The following VGLL4 variants were observed in gnomAD, a reference collection of about 807,000 sequenced individuals.
VGLL4 encodes the protein vestigial like family member 4, also known as transcription cofactor vestigial-like protein 4.
A neutral mutation model predicts 21.0 loss-of-function variants in VGLL4; 7 were observed. The ratio of observed to expected loss-of-function variants is 0.33; its 90% CI spans 0.19 to 0.63. The LOEUF (loss-of-function observed/expected upper bound fraction) is 0.63, where lower values mean the gene tolerates loss of function less well. Ranked by LOEUF, VGLL4 falls within the 20% of genes least tolerant of loss-of-function variation. The pLI is 0.78. For synonymous variants in VGLL4, 222 were observed against 173.2 expected, an observed-to-expected ratio of 1.28 and a Z score of -2.21; for missense variants, 394 against 425.7, an observed-to-expected ratio of 0.93 and a Z score of 0.66.
chr3:11,641,118 C>CAAAAAAAAAAAAA, intron 1 of VGLL4, among the ~76,000 whole-genome samples: 1 of 91,818 alleles, frequency 1.1e-5, no homozygotes, highest in Non-Finnish European at 2.3e-5. Flanking sequence ...ACTTCATCAC[C>CAAAAAAAAAAAAA]AAAAAAAAAA....
chr3:11,657,461 A>G (rs2075974333), intron 2 of VGLL4, among the ~76,000 whole-genome samples: 1 of 152,218 alleles, frequency 6.6e-6, no homozygotes, highest in South Asian at 2.1e-4. Flanking sequence ...ATGGGCATGA[A>G]GAATACTGTT....
chr3:11,597,753 C>A (rs1254359119), intron 2 of VGLL4, among the ~76,000 whole-genome samples: 1 of 152,166 alleles, frequency 6.6e-6, no homozygotes, highest in African/African-American at 2.4e-5. Flanking sequence ...TGGACTGTAG[C>A]ACCCAATGAA....
chr3:11,579,878 G>C (rs1435084290), intron 2 of VGLL4, among the ~76,000 whole-genome samples: 1 of 152,128 alleles, frequency 6.6e-6, no homozygotes, highest in African/African-American at 2.4e-5. Flanking sequence ...TATTCCTGGA[G>C]CTCGGTCTGC....
chr3:11,697,312 T>C (rs1191761205), intron 2 of VGLL4, among the ~76,000 whole-genome samples: 3 of 147,188 alleles, frequency 2.0e-5, no homozygotes, highest in Non-Finnish European at 4.5e-5. Flanking sequence ...TTCCTATTTT[T>C]CCCAGGCTAG....
At chr3:11,643,198 A>C (rs1484275998) in intron 1 of VGLL4, among the ~76,000 whole-genome samples, 3 of 152,230 alleles carry the variant, frequency 2.0e-5, no homozygotes. Context: ...CGTTGCAAGC[A>C]ACGAGCAAAC....
At chr3:11,574,619 C>G (rs2073973749) in intron 2 of VGLL4, among the ~76,000 whole-genome samples, 1 of 152,208 alleles carries the variant, frequency 6.6e-6, no homozygotes, top group Admixed American at 6.5e-5. Flanking sequence ...CAATAATACA[C>G]TACACAGTTT....
At chr3:11,650,067 C>T (rs2075847860) in intron 2 of VGLL4, among the ~76,000 whole-genome samples, 1 of 152,068 alleles carries the variant, frequency 6.6e-6, no homozygotes, top group South Asian at 2.1e-4. Flanking sequence ...AGCAGGACCA[C>T]AGGTGCATGC....
intron 2 of VGLL4, among the ~76,000 whole-genome samples, chr3:11,686,863 G>T (rs866792845): frequency 1.5e-4 from 23 of 152,242 alleles, no homozygotes; most frequent in Middle Eastern, 3.4e-3. Context: ...AGGTTGAATA[G>T]ATTATAACCA....
rs1047099537 is a variant in VGLL4, at chr3:11,561,760, G to T, written c.496-2305C>A. On this transcript the variant is annotated intron_variant, in intron 3 of 4. Transcript: ENST00000430365. ...CGGATTTGTGGCAGGGCCAGTATGA[G>T]CCCTGTCACTAACCCCTTCACCCGC... 2.6e-5 allele frequency among the ~76,000 whole-genome samples: 4 copies of T among 152,208 alleles called. No homozygotes were observed. The South Asian group carries it at 8.3e-4, about 32-fold the overall frequency.
chr3:11,635,589 T>C (rs1052505260), intron 1 of VGLL4, among the ~76,000 whole-genome samples: 1 of 152,228 alleles, frequency 6.6e-6, no homozygotes, highest in African/African-American at 2.4e-5. Context: ...ATGCACTGTA[T>C]CAAACACCAA....
Position 11,556,431 on chromosome 3 carries a change from CAA to C in VGLL4, c.*2123_*2124del, listed in dbSNP as rs1367970034. Reference sequence around the variant, plus strand: ...CCAGAGTGACGCCCTTGTTCACTGACAAAGAGACCTGTCCCAGGAGTGTCCTC... The same window carrying C: ...CCAGAGTGACGCCCTTGTTCACTGACAGAGACCTGTCCCAGGAGTGTCCTC... On this transcript the variant is annotated 3_prime_UTR_variant, in exon 5 of 5. Transcript: ENST00000430365. 4 of 152,822 alleles carry C rather than the reference CAA, an allele frequency of 2.6e-5. No individual in the cohort carries two copies. The highest frequency in any genetic ancestry group is 1.3e-4 in the Admixed American group (2 of 15,276). The allele number at this position is 152,822 out of a possible 1,614,324, so 9.5% of individuals were successfully genotyped here.
intron 2 of VGLL4, among the ~76,000 whole-genome samples, chr3:11,571,205 C>T (rs1388376490): frequency 2.0e-5 from 3 of 152,144 alleles, no homozygotes; most frequent in Non-Finnish European, 2.9e-5. Context: ...TCCTCGCTGG[C>T]AGGGACACAG....
intron 1 of VGLL4, among the ~76,000 whole-genome samples, chr3:11,704,552 C>G (rs925649993): frequency 1.4e-5 from 2 of 147,316 alleles, no homozygotes; most frequent in Admixed American, 6.8e-5. Flanking sequence ...TCAATCTGCA[C>G]GGGAGGCAGG....
chr3:11,613,064 CA>C (rs969398797), intron 1 of VGLL4, among the ~76,000 whole-genome samples: 46 of 141,224 alleles, frequency 3.3e-4, no homozygotes, highest in Middle Eastern at 3.6e-3. Flanking sequence ...TGAGGGTAAG[CA>C]AAAAAAAAAA....
intron 2 of VGLL4, among the ~76,000 whole-genome samples, chr3:11,668,518 T>C (rs953011139): frequency 6.6e-6 from 1 of 152,148 alleles, no homozygotes; most frequent in African/African-American, 2.4e-5. Flanking sequence ...CCAGGAATCT[T>C]AATTTAACAA....
At chr3:11,634,737 G>A (rs952530471) in intron 1 of VGLL4, among the ~76,000 whole-genome samples, 2 of 151,954 alleles carry the variant, frequency 1.3e-5, no homozygotes, top group Non-Finnish European at 2.9e-5. Flanking sequence ...GAGTGCGGTG[G>A]GATGATATTG....
chr3:11,683,459 T>C (rs1458657106), intron 2 of VGLL4, among the ~76,000 whole-genome samples: 3 of 152,110 alleles, frequency 2.0e-5, no homozygotes, highest in Non-Finnish European at 4.4e-5. Context: ...AAGAAGTCCT[T>C]ATATTAAAAA....
In VGLL4 at chr3:11,567,885, G is replaced by C. The variant is rs368638798; in HGVS notation, c.273-2866C>G. On this transcript the variant is annotated intron_variant, in intron 2 of 4. Coordinates refer to ENST00000430365, the MANE Select transcript of VGLL4 (RefSeq NM_001128219.3). ...ATGGCTTCTCTCCACCCCAGGTGAT[G>C]CTTCCACGGGCCACTTCATGAAGTG... 4.6e-5 allele frequency among the ~76,000 whole-genome samples: 7 copies of C among 152,338 alleles called. No individual in the cohort carries two copies. In the South Asian group the frequency reaches 1.0e-3, roughly 23 times the overall value.
intron 2 of VGLL4, among the ~76,000 whole-genome samples, chr3:11,567,423 T>C (rs1468309963): frequency 6.6e-6 from 1 of 152,160 alleles, no homozygotes; most frequent in Non-Finnish European, 1.5e-5. Context: ...ATACAGAATA[T>C]CTTAAAAGCA....
Sources: allele counts gnomAD v4.1 joint callset (sites outside exome capture counted in the v4.1 genomes callset), GRCh38; gene constraint gnomAD v4.1.1; transcripts MANE v1.5; gene names NCBI Gene and HGNC (gene_info 2026-07-23, HGNC 2026-07-21).